KCTD16: variants seen among roughly 807,000 people sequenced by gnomAD.
KCTD16 encodes the protein BTB/POZ domain-containing protein KCTD16.
Under a neutral mutation model 33.2 loss-of-function variants are expected in KCTD16, and 13 were observed. The ratio of observed to expected loss-of-function variants is 0.39; its 90% CI spans 0.25 to 0.62. The LOEUF (loss-of-function observed/expected upper bound fraction) is 0.62, where lower values mean the gene tolerates loss of function less well. Ranked by LOEUF, KCTD16 falls within the 20% of genes least tolerant of loss-of-function variation. The pLI is 0.50. For missense variants in KCTD16, 441 were observed against 525.1 expected (o/e 0.84, Z 1.57); for synonymous variants, 197 against 195.3 (o/e 1.01, Z -0.07).
intron 3 of KCTD16, among the ~76,000 whole-genome samples, chr5:144,229,718 C>T (rs1031059466): frequency 1.3e-5 from 2 of 152,086 alleles, no homozygotes; most frequent in African/African-American, 4.8e-5. Flanking sequence ...CATAATGGCT[C>T]ATGTATGGTA....
At chr5:144,237,732 G>A (rs1754292669) in intron 3 of KCTD16, among the ~76,000 whole-genome samples, 1 of 152,090 alleles carries the variant, frequency 6.6e-6, no homozygotes, top group South Asian at 2.1e-4. Context: ...CTTGCCCAGA[G>A]TTCCTGATCA....
At chr5:144,304,362 C>T (rs1048065663) in intron 3 of KCTD16, among the ~76,000 whole-genome samples, 11 of 152,164 alleles carry the variant, frequency 7.2e-5, no homozygotes, top group Non-Finnish European at 1.5e-4. Flanking sequence ...GTCTGACTCT[C>T]ATTCCAGGGG....
intron 3 of KCTD16, among the ~76,000 whole-genome samples, chr5:144,244,244 G>A (rs140325317): frequency 2.6e-4 from 40 of 152,262 alleles, no homozygotes; most frequent in Middle Eastern, 3.4e-3. Flanking sequence ...AAAAGAGATG[G>A]TTTGGTCAAA....
At chr5:144,451,695 T>A (rs918875600) in intron 3 of KCTD16, among the ~76,000 whole-genome samples, 2 of 152,190 alleles carry the variant, frequency 1.3e-5, no homozygotes, top group Non-Finnish European at 2.9e-5. Flanking sequence ...CATAATTAAG[T>A]CTTTCAGTTT....
At chr5:144,227,177 A>T (rs1050447869) in intron 3 of KCTD16, among the ~76,000 whole-genome samples, 8 of 152,238 alleles carry the variant, frequency 5.3e-5, no homozygotes, top group African/African-American at 1.9e-4. Context: ...GATAAACACT[A>T]TGGAGAATGA....
intron 2 of KCTD16, among the ~76,000 whole-genome samples, chr5:144,176,396 T>C (rs935870293): frequency 5.6e-5 from 8 of 141,972 alleles, no homozygotes; most frequent in South Asian, 2.3e-4. Flanking sequence ...TCTTTTTTTT[T>C]TTTTTTTTTT....
chr5:144,267,861 G>T (rs954220683), intron 3 of KCTD16, among the ~76,000 whole-genome samples: 2 of 152,126 alleles, frequency 1.3e-5, no homozygotes, highest in Non-Finnish European at 2.9e-5. Flanking sequence ...CTCATCTGAA[G>T]GCTTCCACAG....
chr5:144,334,439 G>T (rs1360022174), intron 3 of KCTD16, among the ~76,000 whole-genome samples: 2 of 152,124 alleles, frequency 1.3e-5, no homozygotes, highest in African/African-American at 2.4e-5. Flanking sequence ...GGCACAAATG[G>T]ATGATGATAC....
chr5:144,214,745 G>C (rs532313881), intron 3 of KCTD16, among the ~76,000 whole-genome samples: 8 of 152,186 alleles, frequency 5.3e-5, no homozygotes, highest in South Asian at 2.1e-4. Context: ...ACCTGGATTA[G>C]GTACCCCTTA....
At position 144,470,212 on chromosome 5, in the gene KCTD16, T is replaced by C. The variant is rs774086924; in HGVS notation, c.833-3448T>C. 5.7e-4 allele frequency among the ~76,000 whole-genome samples: 86 copies of C among 152,182 alleles called. 1 individual carries two copies. The highest frequency in any genetic ancestry group is 9.7e-4 in the Non-Finnish European group (66 of 68,028). ...ACAGAACTGACCTTTCATAGATCTT[T>C]CCACACTTCCCAAGACTTGTAAGCA... On this transcript the variant is annotated intron_variant, in intron 3 of 3. Coordinates refer to ENST00000512467, the MANE Select transcript of KCTD16 (RefSeq NM_020768.4).
intron 3 of KCTD16, among the ~76,000 whole-genome samples, chr5:144,446,892 A>G (rs1479436889): frequency 6.6e-6 from 1 of 152,202 alleles, no homozygotes. Context: ...GCGATCATTA[A>G]GAAGTCAGGA....
At chr5:144,353,868 G>T (rs1004611315) in intron 3 of KCTD16, among the ~76,000 whole-genome samples, 6 of 149,240 alleles carry the variant, frequency 4.0e-5, no homozygotes, top group Non-Finnish European at 5.9e-5. Flanking sequence ...ATCAACTCTG[G>T]TGTTTTATTT....
At chr5:144,381,179 A>G (rs1176077722) in intron 3 of KCTD16, among the ~76,000 whole-genome samples, 1 of 152,132 alleles carries the variant, frequency 6.6e-6, no homozygotes, top group Admixed American at 6.6e-5. Context: ...GAAGACATAC[A>G]AGCATATGAA....
chr5:144,348,180 G>A (rs931412321), intron 3 of KCTD16, among the ~76,000 whole-genome samples: 1 of 151,988 alleles, frequency 6.6e-6, no homozygotes, highest in South Asian at 2.1e-4. Context: ...TCACCAGTTC[G>A]CAGACTCTTC....
In KCTD16 at chr5:144,207,196, G is replaced by A. The variant is rs756957270; in HGVS notation, c.482G>A (p.Arg161His). Residue 161 changes from arginine (R) to histidine (H), a missense_variant, in exon 3 of 4, where the codon CGC (arginine) becomes CAC (histidine). Physicochemically the swap from Arg to His is conservative, Grantham distance 29. Around this residue, in one of 3 missense-constraint regions of KCTD16, gnomAD observed 355 missense variants for 413.0 expected, o/e 0.86. Coordinates refer to ENST00000512467, the MANE Select transcript of KCTD16 (RefSeq NM_020768.4). ...CPPSSLLPAD[R>H]KWGFITVGYR... is the part of the protein sequence containing the mutation. ...CCTTCCTCCCTGCTCCCTGCCGACC[G>A]CAAGTGGGGTTTCATTACTGTGGGT... 14 of 1,613,154 alleles carry A rather than the reference G, an allele frequency of 8.7e-6. No homozygotes were observed. The highest frequency in any genetic ancestry group is 4.0e-5 in the African/African-American group (3 of 74,804).
chr5:144,437,022 G>T (rs1475642643), intron 3 of KCTD16, among the ~76,000 whole-genome samples: 1 of 152,174 alleles, frequency 6.6e-6, no homozygotes, highest in Non-Finnish European at 1.5e-5. Context: ...TAAGCAAAAA[G>T]AATGTTACTG....
intron 3 of KCTD16, among the ~76,000 whole-genome samples, chr5:144,357,347 TTCTATAGC>T (rs1751593167): frequency 6.6e-6 from 1 of 152,286 alleles, no homozygotes; most frequent in East Asian, 1.9e-4. Context: ...ACCTTTACCT[TTCTATAGC>T]TCTAGAGCAA....
At position 144,480,934 on chromosome 5, in the gene KCTD16, G is replaced by C. The variant is rs1305127605; in HGVS notation, c.*6820G>C. ...AATAGAAAAATAAAAATCGGAACCA[G>C]TTTAAATGTGTATAGAAATTATATG... On this transcript the variant is annotated 3_prime_UTR_variant, in exon 4 of 4. Coordinates refer to ENST00000512467, the MANE Select transcript of KCTD16 (RefSeq NM_020768.4). The C allele has an allele frequency of 1.3e-5, 2 of 152,022 alleles. No individual in the cohort carries two copies. The highest frequency in any genetic ancestry group is 3.4e-3 in the Middle Eastern group (1 of 294). The allele number at this position is 152,022 out of a possible 1,614,324, so 9.4% of individuals were successfully genotyped here.
chr5:144,345,070 T>C (rs975620903), intron 3 of KCTD16, among the ~76,000 whole-genome samples: 3 of 151,750 alleles, frequency 2.0e-5, no homozygotes, highest in East Asian at 1.9e-4. Context: ...ATGGATGTAA[T>C]TGGGAATCAT....
Sources: allele counts gnomAD v4.1 joint callset (sites outside exome capture counted in the v4.1 genomes callset), GRCh38; gene constraint gnomAD v4.1.1; regional missense constraint gnomAD v4.1.1; transcripts MANE v1.5; gene names NCBI Gene and HGNC (gene_info 2026-07-23, HGNC 2026-07-21).